Variants in SLC15A1 observed in about 807,000 individuals in gnomAD.
SLC15A1 encodes the protein solute carrier family 15 member 1, also known as Caco-2 oligopeptide transporter.
A neutral mutation model predicts 92.9 loss-of-function variants in SLC15A1; 83 were observed. The observed-to-expected ratio is 0.89, with a 90% confidence interval of 0.75 to 1.07. The LOEUF is 1.07. Ranked by LOEUF, SLC15A1 falls within the 50% of genes least tolerant of loss-of-function variation. The probability of loss-of-function intolerance (pLI) is 0.00; values close to 1 mark genes in which losing one functional copy is unlikely to be tolerated. For missense variants in SLC15A1, 857 were observed against 880.1 expected (o/e 0.97, Z 0.33); for synonymous variants, 322 against 318.2 (o/e 1.01, Z -0.13).
chr13:98,693,174 T>C (rs988159139), intron 18 of SLC15A1, among the ~76,000 whole-genome samples: 2 of 133,722 alleles, frequency 1.5e-5, no homozygotes, highest in African/African-American at 5.6e-5. Flanking sequence ...CTCAGCTCAC[T>C]GCAACCTCCG....
In SLC15A1 at chr13:98,688,169, T is replaced by C. The variant is rs4646232; in HGVS notation, c.1683+79A>G. On this transcript the variant is annotated intron_variant, in intron 20 of 22. Coordinates refer to ENST00000376503, the MANE Select transcript of SLC15A1 (RefSeq NM_005073.4). Reference sequence around the variant, plus strand: ...CTAATATCACTCTAGTTAAATCATATTATGTCCTAAGTGTTTGTGAGTCTT... The same window carrying C: ...CTAATATCACTCTAGTTAAATCATACTATGTCCTAAGTGTTTGTGAGTCTT... The C allele has an allele frequency of 9.8e-5, 91 of 930,540 alleles. No homozygotes were observed. The East Asian group carries it at 2.1e-3, about 22-fold the overall frequency. 57.6% of individuals were successfully genotyped at this position (930,540 alleles called of 1,614,324 possible).
At chr13:98,718,896 C>G (rs536051509) in intron 8 of SLC15A1, among the ~76,000 whole-genome samples, 19 of 152,242 alleles carry the variant, frequency 1.2e-4, no homozygotes, top group Non-Finnish European at 2.4e-4. Flanking sequence ...CAAGGGATCC[C>G]CCTGCCTTGG....
chr13:98,707,194 G>A (rs892584068), intron 15 of SLC15A1, among the ~76,000 whole-genome samples: 2 of 151,674 alleles, frequency 1.3e-5, no homozygotes, highest in African/African-American at 4.9e-5. Flanking sequence ...AGGAGCGTGA[G>A]TACAGCCATG....
chr13:98,702,446 TGATAAAAC>T, intron 18 of SLC15A1, 26 bp downstream of exon 18: 1 of 1,458,270 alleles, frequency 6.9e-7, no homozygotes, highest in Non-Finnish European at 9.6e-7. Flanking sequence ...CATAAGAATC[TGATAAAAC>T]TTAAATTTTA....
intron 1 of SLC15A1, among the ~76,000 whole-genome samples, chr13:98,748,742 C>T (rs1268134963): frequency 2.0e-5 from 3 of 152,146 alleles, no homozygotes; most frequent in Non-Finnish European, 4.4e-5. Flanking sequence ...TTTTAGGGCA[C>T]AGTGGCAACA....
intron 1 of SLC15A1, among the ~76,000 whole-genome samples, chr13:98,731,929 T>C (rs758035220): frequency 6.6e-6 from 1 of 152,192 alleles, no homozygotes; most frequent in African/African-American, 2.4e-5. Flanking sequence ...CATTTTGTTT[T>C]CTGAAAGTGT....
rs1236532397 is a variant in SLC15A1 at position 98,683,966 on chromosome 13, CT to C, written c.*757del. The C allele has an allele frequency of 2.0e-5, 3 of 152,206 alleles. No individual in the cohort carries two copies. Among genetic ancestry groups the C allele is most frequent in the African/African-American group, 7.2e-5 (3 of 41,436 alleles). 9.4% of individuals were successfully genotyped at this position (152,206 alleles called of 1,614,324 possible). A position where few individuals can be genotyped will look rare whatever the true frequency, so the allele number is the denominator to read the frequency against. Reference sequence around the variant, plus strand: ...AGTTATCAGTTAATACCAGCTGGTCCTTATCACAGCCATTTCAAACCTGTAC... The same window carrying C: ...AGTTATCAGTTAATACCAGCTGGTCCTATCACAGCCATTTCAAACCTGTAC... On this transcript the variant is annotated 3_prime_UTR_variant, in exon 23 of 23. Transcript: ENST00000376503.
intron 7 of SLC15A1, among the ~76,000 whole-genome samples, chr13:98,719,830 G>A (rs552558792): frequency 6.6e-6 from 1 of 152,196 alleles, no homozygotes; most frequent in African/African-American, 2.4e-5. Context: ...CCTTTGCAGG[G>A]GAAATCAACT....
chr13:98,706,436 C>T (rs891443818), intron 15 of SLC15A1, among the ~76,000 whole-genome samples, 183 bp from the exon 16 acceptor site: 1 of 152,138 alleles, frequency 6.6e-6, no homozygotes, highest in African/African-American at 2.4e-5. Flanking sequence ...GACTTTTGCA[C>T]GGAATACTGA....
At chr13:98,741,723 CAAAAAAA>C (rs61421254) in intron 1 of SLC15A1, among the ~76,000 whole-genome samples, 1 of 81,932 alleles carries the variant, frequency 1.2e-5, no homozygotes, top group Non-Finnish European at 2.5e-5. Context: ...GACTCCGTCT[CAAAAAAA>C]AAAAAAAAAA....
intron 18 of SLC15A1, among the ~76,000 whole-genome samples, chr13:98,691,700 C>T (rs2087978894): frequency 6.6e-6 from 1 of 152,190 alleles, no homozygotes; most frequent in African/African-American, 2.4e-5. Flanking sequence ...TACTGACTTT[C>T]TTGTGGTAAA....
intron 4 of SLC15A1, 124 bp from the exon 5 acceptor site, chr13:98,724,155 T>C: frequency 8.1e-7 from 1 of 1,235,440 alleles, no homozygotes; most frequent in Non-Finnish European, 1.1e-6. Context: ...CACTTATTTC[T>C]CAAACTTGAG....
In SLC15A1 at chr13:98,706,141, A is replaced by T. The variant is rs776508439; in HGVS notation, c.1262T>A (p.Met421Lys). ...LPGEMVTLGPMSQTNAFMTFD... is the reference protein window; with the variant it reads ...LPGEMVTLGPKSQTNAFMTFD... ...CAATTTCCTTCTACTTACTTGAGAC[A>T]TTGGGCCAAGTGTCACCATCTCTCC... Residue 421 changes from methionine to lysine, a missense_variant, in exon 16 of 23, where the codon ATG becomes AAG. Met to Lys is a moderately conservative substitution (Grantham distance 95). Coordinates refer to ENST00000376503, the MANE Select transcript of SLC15A1 (RefSeq NM_005073.4). 6.2e-7 allele frequency: 1 copy of T among 1,609,044 alleles called. No homozygotes were observed. The highest frequency in any genetic ancestry group is 8.5e-7 in the Non-Finnish European group (1 of 1,178,986).
intron 8 of SLC15A1, among the ~76,000 whole-genome samples, chr13:98,717,785 T>C (rs915125608): frequency 1.3e-5 from 2 of 152,030 alleles, no homozygotes; most frequent in African/African-American, 4.8e-5. Flanking sequence ...AAACAAAAAT[T>C]GGAGAGAGAG....
At chr13:98,738,129 G>A (rs1283377525) in intron 1 of SLC15A1, among the ~76,000 whole-genome samples, 2 of 152,172 alleles carry the variant, frequency 1.3e-5, no homozygotes, top group African/African-American at 4.8e-5. Context: ...ATGTGACCTG[G>A]CTGCTTCTAA....
chr13:98,709,926 C>T lies in SLC15A1; in HGVS notation c.901-15G>A. 2 of 1,613,960 alleles carry T rather than the reference C, an allele frequency of 1.2e-6. No homozygotes were observed. Among genetic ancestry groups the T allele is most frequent in the South Asian group, 2.2e-5 (2 of 91,054 alleles). On this transcript the variant is annotated splice_polypyrimidine_tract_variant and intron_variant, in intron 11 of 22. Coordinates refer to ENST00000376503, the MANE Select transcript of SLC15A1 (RefSeq NM_005073.4). ...CACCTGGAGCCCTTAAAAATGAATA[C>T]ATTTGCTGTATTATTTGGGGATGTG...
At chr13:98,722,585 C>A (rs2088269186) in intron 5 of SLC15A1, among the ~76,000 whole-genome samples, 1 of 152,146 alleles carries the variant, frequency 6.6e-6, no homozygotes, top group Non-Finnish European at 1.5e-5. Context: ...TATCCCATAT[C>A]TTCTTGGTTG....
At chr13:98,748,896 G>A (rs2088518229) in intron 1 of SLC15A1, among the ~76,000 whole-genome samples, 1 of 152,222 alleles carries the variant, frequency 6.6e-6, no homozygotes, top group Admixed American at 6.5e-5. Context: ...CTGCACCTGA[G>A]ACTCTAGGCA....
intron 1 of SLC15A1, among the ~76,000 whole-genome samples, chr13:98,736,265 T>C (rs2088393109): frequency 6.6e-6 from 1 of 152,184 alleles, no homozygotes; most frequent in Admixed American, 6.6e-5. Flanking sequence ...TAATAAGTGG[T>C]GCTGGGAAAA....
Sources: gnomAD v4.1 joint callset for allele counts (sites outside exome capture counted in the v4.1 genomes callset) on GRCh38, gnomAD v4.1.1 for gene constraint, MANE v1.5 for transcripts, NCBI Gene and HGNC (gene_info 2026-07-23, HGNC 2026-07-21) for gene names.